Variants in FLYWCH2 observed in about 807,000 individuals in gnomAD.
FLYWCH2 encodes FLYWCH family member 2.
FLYWCH2 carries 2 observed loss-of-function variants against 6.0 expected under a neutral mutation model. The observed-to-expected ratio is 0.33, with a 90% CI of 0.14 to 1.04. FLYWCH2 has a LOEUF of 1.04. FLYWCH2 is among the 50% of genes least tolerant of loss of function. FLYWCH2 has a pLI of 0.45. For missense variants in FLYWCH2, 192 were observed against 183.4 expected, an observed-to-expected ratio of 1.05 and a Z score of -0.27; for synonymous variants, 87 against 79.3, an observed-to-expected ratio of 1.10 and a Z score of -0.52.
At chr16:2,898,245 G>A (rs2069845139) in intron 3 of FLYWCH2, among the ~76,000 whole-genome samples, 1 of 152,174 alleles carries the variant, frequency 6.6e-6, no homozygotes, top group African/African-American at 2.4e-5. Flanking sequence ...CCATCCCTCT[G>A]CTGGAGTCTC....
At chr16:2,883,387 G>A (rs2069662303) in intron 1 of FLYWCH2, 21 bp downstream of exon 1, 1 of 152,242 alleles carries the variant, frequency 6.6e-6, no homozygotes, top group African/African-American at 2.4e-5. Flanking sequence ...GCCCTGGCGG[G>A]CGGGGAGGGT....
At chr16:2,894,384 G>A (rs997314140) in intron 1 of FLYWCH2, among the ~76,000 whole-genome samples, 2 of 152,164 alleles carry the variant, frequency 1.3e-5, no homozygotes, top group African/African-American at 4.8e-5. Flanking sequence ...TGCCCGGACT[G>A]CCCACTCATG....
At chr16:2,890,216 T>TTTTTTG (rs2069740145) in intron 1 of FLYWCH2, among the ~76,000 whole-genome samples, 1 of 122,866 alleles carries the variant, frequency 8.1e-6, no homozygotes, top group Non-Finnish European at 1.7e-5. Context: ...GTGTGTGTGT[T>TTTTTTG]TTTTTGTTTT....
intron 1 of FLYWCH2, among the ~76,000 whole-genome samples, chr16:2,891,537 C>T (rs939662607): frequency 7.9e-5 from 12 of 151,874 alleles, no homozygotes; most frequent in Admixed American, 1.3e-4. Flanking sequence ...CCGGAGTAGC[C>T]GGGACTACAG....
intron 3 of FLYWCH2, among the ~76,000 whole-genome samples, chr16:2,897,979 C>T (rs1321227379): frequency 6.6e-6 from 1 of 152,024 alleles, no homozygotes; most frequent in Admixed American, 6.5e-5. Context: ...CCCCTGGGGT[C>T]AGCCAGAACA....
chr16:2,896,671 CA>C lies in FLYWCH2; in HGVS notation c.223del (p.Thr75ProfsTer43). ...TGTCCCTGGGGGTGCCCGGCCCCGC[CA>C]CCCTTGCCAAGGCCCTCCTCCAGAC... Reference protein sequence around the residue: ...VMSLGVPGPATLAKALLQTHP... With the variant: ...VMSLGVPGPAXLAKALLQTHP... On this transcript the variant is annotated frameshift_variant, in exon 3 of 4. Transcript: ENST00000396958. LOFTEE classifies it high-confidence loss of function. 6.2e-7 allele frequency: 1 copy of C among 1,613,190 alleles called. No individual in the cohort carries two copies. Among genetic ancestry groups the C allele is most frequent in the South Asian group, 1.1e-5 (1 of 91,076 alleles).
chr16:2,898,833 T>A, intron 3 of FLYWCH2: 1 of 451,150 alleles, frequency 2.2e-6, no homozygotes, highest in Non-Finnish European at 3.9e-6. Context: ...TGGCCTCAAG[T>A]TTCCTGGAAA....
At chr16:2,898,557 T>C (rs2069848222) in intron 3 of FLYWCH2, among the ~76,000 whole-genome samples, 1 of 152,160 alleles carries the variant, frequency 6.6e-6, no homozygotes, top group Admixed American at 6.5e-5. Flanking sequence ...AATGAGACCA[T>C]CTCAAGGTCC....
rs560499686 is a variant in FLYWCH2 at position 2,889,855 on chromosome 16, C to T, written c.-199-5365C>T. ...AATCAAGAACTTTGGGAGGCCAAGG[C>T]AAGCAAATCTCTTGAGGTCTGGAGT... On this transcript the variant is annotated intron_variant, in intron 1 of 3. Transcript: ENST00000396958. Among the ~76,000 whole-genome samples the T allele has an allele frequency of 4.6e-5, 7 of 152,228 alleles. No individual in the cohort carries two copies. The East Asian group carries it at 1.2e-3, about 25-fold the overall frequency.
intron 3 of FLYWCH2, 121 bp downstream of exon 3, chr16:2,896,892 C>T: frequency 3.1e-6 from 3 of 982,132 alleles, no homozygotes; most frequent in Non-Finnish European, 4.4e-6. Flanking sequence ...TGACTTTGAC[C>T]ACGTGTGGAG....
At chr16:2,884,520 A>G (rs577788909) in intron 1 of FLYWCH2, among the ~76,000 whole-genome samples, 96 of 128,696 alleles carry the variant, frequency 7.5e-4, no homozygotes, top group African/African-American at 2.4e-3. Context: ...CAGGAGATAG[A>G]GACCATTCTG....
intron 1 of FLYWCH2, among the ~76,000 whole-genome samples, chr16:2,886,565 C>G (rs151120142): frequency 7.9e-6 from 1 of 126,406 alleles, no homozygotes; most frequent in Non-Finnish European, 1.6e-5. Context: ...CTTGTTGTCC[C>G]GGCTGGAGTG....
chr16:2,885,337 A>AG (rs1421347688), intron 1 of FLYWCH2, among the ~76,000 whole-genome samples: 3 of 41,648 alleles, frequency 7.2e-5, no homozygotes. Flanking sequence ...AACAAAACAA[A>AG]AAAAAAAATA....
intron 3 of FLYWCH2, among the ~76,000 whole-genome samples, chr16:2,897,155 A>G (rs1274042930): frequency 6.6e-6 from 1 of 152,090 alleles, no homozygotes; most frequent in Non-Finnish European, 1.5e-5. Flanking sequence ...CATATGTTCT[A>G]GAAAGCTTCT....
At chr16:2,891,588 GTA>G (rs1264361642) in intron 1 of FLYWCH2, among the ~76,000 whole-genome samples, 1 of 152,014 alleles carries the variant, frequency 6.6e-6, no homozygotes, top group East Asian at 1.9e-4. Context: ...TGTATTTTTA[GTA>G]GAGATGGGGT....
chr16:2,890,055 C>T (rs189982736), intron 1 of FLYWCH2, among the ~76,000 whole-genome samples: 10 of 151,492 alleles, frequency 6.6e-5, no homozygotes, highest in African/African-American at 2.2e-4. Context: ...CACTGCACTC[C>T]AAGCAATATA....
chr16:2,884,181 C>A (rs1354216670), intron 1 of FLYWCH2, among the ~76,000 whole-genome samples: 3 of 152,144 alleles, frequency 2.0e-5, no homozygotes, highest in African/African-American at 7.2e-5. Context: ...CTATTAACAG[C>A]CCCTGATAAA....
Position 2,899,185 on chromosome 16 carries a change from C to T in FLYWCH2, c.*36C>T, listed in dbSNP as rs1230594248. 3.3e-6 allele frequency: 5 copies of T among 1,536,690 alleles called. No individual in the cohort carries two copies. Among genetic ancestry groups the T allele is most frequent in the East Asian group, 2.3e-5 (1 of 43,526 alleles). On this transcript the variant is annotated 3_prime_UTR_variant, in exon 4 of 4. Transcript: ENST00000396958. The stretch of plus-strand genomic sequence containing the variant: ...AGGCGCATCCTCCCAGGCCACCAAC[C>T]CAGCCATAGGCTCTTCTCTGTCCGC...
intron 1 of FLYWCH2, among the ~76,000 whole-genome samples, chr16:2,892,894 A>AT (rs2069773905): frequency 7.5e-6 from 1 of 132,828 alleles, no homozygotes; most frequent in Non-Finnish European, 1.6e-5. Flanking sequence ...TATATAATGT[A>AT]TATATGTCAT....
Sources: gnomAD v4.1 joint callset for allele counts (sites outside exome capture counted in the v4.1 genomes callset) on GRCh38, gnomAD v4.1.1 for gene constraint, MANE v1.5 for transcripts, NCBI Gene and HGNC (gene_info 2026-07-23, HGNC 2026-07-21) for gene names.